SLC17A3: variants seen among roughly 807,000 people sequenced by gnomAD.
The protein encoded by SLC17A3 is solute carrier family 17 member 3.
In SLC17A3, 61 loss-of-function variants were observed where a neutral mutation model predicts 60.3. The ratio of observed to expected loss-of-function variants is 1.01; its 90% confidence interval spans 0.82 to 1.25. The LOEUF (loss-of-function observed/expected upper bound fraction) is 1.25, where lower values mean the gene tolerates loss of function less well. Among genes scored for constraint, SLC17A3 ranks in the 50% most tolerant of loss-of-function variants. The pLI, the probability that SLC17A3 is intolerant of heterozygous loss-of-function variation, is 0.00. For synonymous variants in SLC17A3, 192 were observed against 208.9 expected (o/e 0.92, Z 0.70); for missense variants, 624 against 594.9 (o/e 1.05, Z -0.51).
chr6:25,866,501 G>T (rs1258303148), intron 2 of SLC17A3, among the ~76,000 whole-genome samples: 1 of 151,962 alleles, frequency 6.6e-6, no homozygotes, highest in Non-Finnish European at 1.5e-5. Context: ...TGTGCCTGGA[G>T]CTCTGAGCCA....
At chr6:25,864,804 A>G (rs1354358167) in intron 2 of SLC17A3, among the ~76,000 whole-genome samples, 1 of 152,014 alleles carries the variant, frequency 6.6e-6, no homozygotes, top group Admixed American at 6.6e-5. Context: ...TAACCTACAG[A>G]AGATACTTAA....
intron 4 of SLC17A3, 37 bp from the exon 5 acceptor site, chr6:25,861,748 G>A (rs1765451107): frequency 6.2e-7 from 1 of 1,608,136 alleles, no homozygotes; most frequent in Non-Finnish European, 8.5e-7. Context: ...AATGTGTGGT[G>A]CCATGTAGAA....
intron 6 of SLC17A3, among the ~76,000 whole-genome samples, chr6:25,853,509 G>A (rs931597780): frequency 1.8e-4 from 25 of 141,904 alleles, no homozygotes; most frequent in Admixed American, 5.3e-4. Context: ...TCCGCCTCCC[G>A]GGTTCACGTG....
intron 2 of SLC17A3, among the ~76,000 whole-genome samples, chr6:25,863,497 T>G (rs1399563075): frequency 1.3e-5 from 2 of 152,116 alleles, no homozygotes; most frequent in African/African-American, 4.8e-5. Flanking sequence ...TCCAACCCTT[T>G]CACTTTTTTC....
intron 2 of SLC17A3, 131 bp downstream of exon 2, chr6:25,868,166 T>C (rs1765569255): frequency 2.7e-6 from 2 of 732,196 alleles, no homozygotes; most frequent in Non-Finnish European, 4.8e-6. Context: ...ATTTGCAAAA[T>C]ATGTTAATTT....
chr6:25,864,549 G>T (rs1765504144), intron 2 of SLC17A3, among the ~76,000 whole-genome samples: 1 of 151,910 alleles, frequency 6.6e-6, no homozygotes. Flanking sequence ...TGGGTGGAAG[G>T]CAAGGAGAAG....
In SLC17A3 at chr6:25,850,049, TA is replaced by T; in HGVS notation, c.1121del (p.Leu374Ter). 1 of 1,613,972 alleles carries T rather than the reference TA, an allele frequency of 6.2e-7. No homozygotes were observed. The highest frequency in any genetic ancestry group is 8.5e-7 in the Non-Finnish European group (1 of 1,179,828). On this transcript the variant is annotated frameshift_variant and splice_region_variant, in exon 9 of 13. Transcript: ENST00000397060. LOFTEE classifies it high-confidence loss of function. Reference sequence around the variant, plus strand: ...CTGACCCTCAAGCTCTGTTCTTACCTAAAATTGTGGCAATTTTCCTCACAGT... The same window carrying T: ...CTGACCCTCAAGCTCTGTTCTTACCTAAATTGTGGCAATTTTCCTCACAGT... Reference protein sequence around the residue: ...LITVRKIATILGSLPSSALIV... With the variant: ...LITVRKIATIXGSLPSSALIV...
Position 25,845,497 on chromosome 6 carries a change from C to T in SLC17A3, c.1382G>A (p.Arg461Lys), listed in dbSNP as rs200345286. Residue 461 changes from arginine (R) to lysine (K), a missense_variant, in exon 12 of 13, where the codon AGG (arginine) becomes AAG (lysine). Physicochemically the swap from Arg to Lys is conservative, Grantham distance 26. Transcript: ENST00000397060. Reference sequence around the variant, plus strand: ...GGCAAACAGCAAGAAGAAGACATTCCTCCACCCAAACTCAGGGTCCTGGAG... The same window carrying T: ...GGCAAACAGCAAGAAGAAGACATTCTTCCACCCAAACTCAGGGTCCTGGAG... Reference protein sequence around the residue: ...LLSQDPEFGWRNVFFLLFAVN... With the variant: ...LLSQDPEFGWKNVFFLLFAVN... 1.6e-5 allele frequency: 26 copies of T among 1,613,888 alleles called. No individual in the cohort carries two copies. Among genetic ancestry groups the T allele is most frequent in the Middle Eastern group, 1.6e-4 (1 of 6,082 alleles).
At chr6:25,856,550 T>G (rs941124661) in intron 5 of SLC17A3, among the ~76,000 whole-genome samples, 1 of 152,172 alleles carries the variant, frequency 6.6e-6, no homozygotes, top group Non-Finnish European at 1.5e-5. Flanking sequence ...TCAAAGTTTT[T>G]AAAAGTTGCC....
At chr6:25,870,427 C>T (rs555460) in intron 1 of SLC17A3, among the ~76,000 whole-genome samples, 29,747 of 151,896 alleles carry the variant, frequency 0.2, 4,220 homozygotes, top group African/African-American at 0.4. Flanking sequence ...TCCCCTGCTC[C>T]TTTATGAGGT....
chr6:25,863,457 C>T (rs1368239405), intron 2 of SLC17A3, among the ~76,000 whole-genome samples: 5 of 152,100 alleles, frequency 3.3e-5, no homozygotes, highest in Non-Finnish European at 7.4e-5. Flanking sequence ...TACACAAGGA[C>T]TTCAGGCAGA....
At chr6:25,868,656 T>G (rs541547904) in intron 1 of SLC17A3, among the ~76,000 whole-genome samples, 2 of 152,060 alleles carry the variant, frequency 1.3e-5, no homozygotes, top group South Asian at 2.1e-4. Flanking sequence ...GAGCAATGGC[T>G]TTGGAGTTAA....
chr6:25,854,601 G>T (rs1300767636), intron 6 of SLC17A3, among the ~76,000 whole-genome samples: 2 of 152,202 alleles, frequency 1.3e-5, no homozygotes, highest in Non-Finnish European at 2.9e-5. Context: ...GAATGTAAAA[G>T]CTACTAAAGT....
Position 25,850,048 on chromosome 6 carries a change from C to G in SLC17A3, c.1123G>C (p.Gly375Arg), listed in dbSNP as rs1765246300. 1 of 1,613,788 alleles carries G rather than the reference C, an allele frequency of 6.2e-7. No homozygotes were observed. The highest frequency in any genetic ancestry group is 8.5e-7 in the Non-Finnish European group (1 of 1,179,834). ...TCTGACCCTCAAGCTCTGTTCTTACCTAAAATTGTGGCAATTTTCCTCACA... is the reference window on the plus strand; with the variant it reads ...TCTGACCCTCAAGCTCTGTTCTTACGTAAAATTGTGGCAATTTTCCTCACA... ...ITVRKIATIL[G>R]SLPSSALIVS... is the part of the protein sequence containing the mutation. Residue 375 changes from glycine (G) to arginine (R), a missense_variant and splice_region_variant, in exon 9 of 13, where the codon GGA (glycine) becomes CGA (arginine). Coordinates refer to ENST00000397060, the MANE Select transcript of SLC17A3 (RefSeq NM_001098486.2).
intron 11 of SLC17A3, among the ~76,000 whole-genome samples, chr6:25,848,555 G>A (rs1397382549): frequency 6.6e-6 from 1 of 152,118 alleles, no homozygotes; most frequent in Non-Finnish European, 1.5e-5. Flanking sequence ...ACATGTAGGA[G>A]AATGAAATTG....
At chr6:25,850,214 G>A (rs1765249888) in intron 8 of SLC17A3, 37 bp from the exon 9 acceptor site, 1 of 1,600,704 alleles carries the variant, frequency 6.2e-7, no homozygotes, top group African/African-American at 1.3e-5. Flanking sequence ...CCATAATAAA[G>A]GCAGTGAGAC....
chr6:25,867,505 G>T (rs997218589), intron 2 of SLC17A3, among the ~76,000 whole-genome samples: 14 of 151,834 alleles, frequency 9.2e-5, no homozygotes, highest in African/African-American at 3.4e-4. Context: ...TTCCAATGTG[G>T]ACTAGTGTCA....
intron 2 of SLC17A3, 64 bp from the exon 3 acceptor site, chr6:25,862,508 G>A: frequency 7.7e-7 from 1 of 1,306,468 alleles, no homozygotes; most frequent in Non-Finnish European, 1.1e-6. Context: ...TTTTTCACAA[G>A]ATATGATTTA....
chr6:25,862,351 G>A lies in SLC17A3; in HGVS notation c.185C>T (p.Thr62Ile). The change falls in exon 3 of 13, where the codon ACC becomes ATC. Residue 62 changes from threonine (T) to isoleucine (I), a missense_variant. Transcript: ENST00000397060. ...TIAQNVIMNI[T>I]MVAMVNSTSP... ...TGTGCTGTTGACCATGGCTACCATG[G>A]TGATGTTCATGATGACATTTTGTGC... The A allele has an allele frequency of 6.2e-7, 1 of 1,613,758 alleles. No individual in the cohort carries two copies. Among genetic ancestry groups the A allele is most frequent in the Non-Finnish European group, 8.5e-7 (1 of 1,179,734 alleles).
Sources: allele counts gnomAD v4.1 joint callset (sites outside exome capture counted in the v4.1 genomes callset), GRCh38; gene constraint gnomAD v4.1.1; transcripts MANE v1.5; gene names NCBI Gene and HGNC (gene_info 2026-07-23, HGNC 2026-07-21).